PLCL1: variants seen among roughly 807,000 people sequenced by gnomAD.
PLCL1 encodes inactive phospholipase C-like protein 1.
PLCL1 carries 41 observed loss-of-function variants against 84.4 expected under a neutral mutation model. The observed-to-expected ratio is 0.49, with a 90% confidence interval of 0.38 to 0.63. The LOEUF (loss-of-function observed/expected upper bound fraction) is 0.63, where lower values mean the gene tolerates loss of function less well. Ranked by LOEUF, PLCL1 falls within the 30% of genes least tolerant of loss-of-function variation. The pLI is 0.00. For synonymous variants in PLCL1, 490 were observed against 488.3 expected, an observed-to-expected ratio of 1.00 and a Z score of -0.05; for missense variants, 1,206 against 1,367.8, an observed-to-expected ratio of 0.88 and a Z score of 1.87.
intron 5 of PLCL1, among the ~76,000 whole-genome samples, chr2:198,142,114 G>T (rs1315659197): frequency 6.6e-6 from 1 of 152,108 alleles, no homozygotes; most frequent in East Asian, 1.9e-4. Context: ...CTGCCAGACT[G>T]TAGTCAAAAC....
At chr2:197,827,673 A>T (rs1477821829) in intron 1 of PLCL1, among the ~76,000 whole-genome samples, 3 of 152,138 alleles carry the variant, frequency 2.0e-5, no homozygotes, top group East Asian at 3.8e-4. Context: ...TTAAAAAAGT[A>T]CTCTGTTGGA....
chr2:197,811,509 A>G (rs1277398009), intron 1 of PLCL1, among the ~76,000 whole-genome samples: 1 of 152,222 alleles, frequency 6.6e-6, no homozygotes, highest in African/African-American at 2.4e-5. Flanking sequence ...TGAGTAGAAA[A>G]GAAGCATTGT....
chr2:198,025,672 A>G (rs1260683103), intron 1 of PLCL1, among the ~76,000 whole-genome samples: 1 of 152,138 alleles, frequency 6.6e-6, no homozygotes, highest in Admixed American at 6.6e-5. Flanking sequence ...TATAAACTAA[A>G]AAAATGTTTA....
intron 1 of PLCL1, among the ~76,000 whole-genome samples, chr2:198,075,010 C>T (rs1443165817): frequency 6.6e-6 from 1 of 152,132 alleles, no homozygotes; most frequent in African/African-American, 2.4e-5. Flanking sequence ...GAAGTATTAG[C>T]CATGTAGGTA....
rs529498408 is a variant in PLCL1, at chr2:197,987,014, C to G, written c.241-96744C>G. On this transcript the variant is annotated intron_variant, in intron 1 of 5. Transcript: ENST00000428675. ...GTGAAGGAGGGACTTGATTTGTCTT[C>G]TGACTTCATATCCCATGTTTTCTCT... Among the ~76,000 whole-genome samples, 20 of 152,352 alleles carry G rather than the reference C, an allele frequency of 1.3e-4. No individual in the cohort carries two copies. The South Asian group carries it at 3.7e-3, about 28-fold the overall frequency.
intron 1 of PLCL1, among the ~76,000 whole-genome samples, chr2:198,015,600 G>T (rs745852003): frequency 6.6e-5 from 10 of 152,184 alleles, no homozygotes; most frequent in Non-Finnish European, 1.0e-4. Flanking sequence ...TACTTATTAA[G>T]TGGGCCAGGT....
Position 197,804,966 on chromosome 2 carries a change from C to T in PLCL1, c.-134C>T. On this transcript the variant is annotated 5_prime_UTR_variant, in exon 1 of 6. Coordinates refer to ENST00000428675, the MANE Select transcript of PLCL1 (RefSeq NM_006226.4). ...TTGCCGCCGCCGCCGCCGCCGCCGC[C>T]ACTGCCGCCGCTGGGCGGTGAAACA... The T allele has an allele frequency of 8.9e-7, 1 of 1,124,260 alleles. No individual in the cohort carries two copies. Among genetic ancestry groups the T allele is most frequent in the Non-Finnish European group, 1.2e-6 (1 of 825,934 alleles). 69.6% of individuals were successfully genotyped at this position (1,124,260 alleles called of 1,614,324 possible). A position where few individuals can be genotyped will look rare whatever the true frequency, so the allele number is the denominator to read the frequency against.
chr2:197,881,614 TATC>T (rs1348008867), intron 1 of PLCL1, among the ~76,000 whole-genome samples: 1 of 152,146 alleles, frequency 6.6e-6, no homozygotes, highest in Non-Finnish European at 1.5e-5. Flanking sequence ...GCCTCAGAGT[TATC>T]ATGCTAAGAT....
At chr2:198,029,521 G>C (rs1477739504) in intron 1 of PLCL1, among the ~76,000 whole-genome samples, 2 of 152,102 alleles carry the variant, frequency 1.3e-5, no homozygotes, top group Admixed American at 6.6e-5. Flanking sequence ...CAACTGGAGT[G>C]CAGGAAAAGC....
At chr2:197,873,125 A>G (rs911862735) in intron 1 of PLCL1, among the ~76,000 whole-genome samples, 3 of 152,166 alleles carry the variant, frequency 2.0e-5, no homozygotes, top group Admixed American at 2.0e-4. Context: ...TAAATTGCTC[A>G]TTTTTATAAT....
At chr2:198,058,180 A>G (rs1692110912) in intron 1 of PLCL1, among the ~76,000 whole-genome samples, 1 of 152,180 alleles carries the variant, frequency 6.6e-6, no homozygotes, top group Non-Finnish European at 1.5e-5. Flanking sequence ...TTGCCAAAAT[A>G]TTAATAGTGA....
At chr2:198,053,212 A>C (rs11901757) in intron 1 of PLCL1, among the ~76,000 whole-genome samples, 5,177 of 152,290 alleles carry the variant, frequency 0.034, 196 homozygotes, top group African/African-American at 0.093. Flanking sequence ...TGAACTAATC[A>C]TTGGCCTTTT....
At chr2:198,037,026 G>C (rs992832742) in intron 1 of PLCL1, among the ~76,000 whole-genome samples, 1 of 152,128 alleles carries the variant, frequency 6.6e-6, no homozygotes, top group Admixed American at 6.5e-5. Flanking sequence ...TTTGTCTCTG[G>C]GGGAGAGGCT....
chr2:197,862,174 A>C (rs964327411), intron 1 of PLCL1, among the ~76,000 whole-genome samples: 1 of 152,174 alleles, frequency 6.6e-6, no homozygotes, highest in Non-Finnish European at 1.5e-5. Flanking sequence ...CTGTTAAATG[A>C]TTATGAGAAT....
At chr2:197,999,277 C>T (rs74824834) in intron 1 of PLCL1, among the ~76,000 whole-genome samples, 5,510 of 152,096 alleles carry the variant, frequency 0.036, 329 homozygotes, top group African/African-American at 0.12. Flanking sequence ...AAAATGAAGA[C>T]GTAAACTGCC....
At chr2:197,923,105 C>T (rs576284329) in intron 1 of PLCL1, among the ~76,000 whole-genome samples, 107 of 140,206 alleles carry the variant, frequency 7.6e-4, no homozygotes, top group African/African-American at 2.5e-3. Flanking sequence ...CCCTACCGGA[C>T]GGGGCGGCTG....
chr2:198,131,409 G>A lies in PLCL1; in HGVS notation c.3106-15371G>A, dbSNP rs181929097. On this transcript the variant is annotated intron_variant, in intron 5 of 5. Transcript: ENST00000428675. Reference sequence around the variant, plus strand: ...CTTTAATTGCTTTTTTATCTTTCACGAGACAGTCTCTATTATTGTAAGCAA... The same window carrying A: ...CTTTAATTGCTTTTTTATCTTTCACAAGACAGTCTCTATTATTGTAAGCAA... Among the ~76,000 whole-genome samples the A allele has an allele frequency of 8.5e-5, 13 of 152,146 alleles. No individual in the cohort carries two copies. In the East Asian group the frequency reaches 2.1e-3, roughly 25 times the overall value.
chr2:198,039,343 C>T (rs1250579486), intron 1 of PLCL1, among the ~76,000 whole-genome samples: 4 of 152,108 alleles, frequency 2.6e-5, no homozygotes, highest in Admixed American at 6.6e-5. Flanking sequence ...TACCTGTAGA[C>T]GTTTTAGGAG....
chr2:197,919,363 G>A (rs1688662981), intron 1 of PLCL1, among the ~76,000 whole-genome samples: 2 of 152,152 alleles, frequency 1.3e-5, no homozygotes, highest in African/African-American at 4.8e-5. Flanking sequence ...GTTTTGTACT[G>A]AAGCACAAAG....
Sources: allele counts gnomAD v4.1 joint callset (sites outside exome capture counted in the v4.1 genomes callset), GRCh38; gene constraint gnomAD v4.1.1; transcripts MANE v1.5; gene names NCBI Gene and HGNC (gene_info 2026-07-23, HGNC 2026-07-21).